PHEX: variants seen among roughly 807,000 people sequenced by gnomAD.
PHEX encodes phosphate regulating endopeptidase X-linked.
In PHEX, 16 loss-of-function variants were observed where a neutral mutation model predicts 68.0. That is an observed-to-expected ratio of 0.24 (90% CI 0.16 to 0.36). The LOEUF (loss-of-function observed/expected upper bound fraction) is 0.36. Among genes scored for constraint, PHEX ranks in the 10% least tolerant of loss-of-function variants. The pLI, the probability that PHEX is intolerant of heterozygous loss-of-function variation, is 1.00. For synonymous variants in PHEX, 208 were observed against 205.1 expected, an observed-to-expected ratio of 1.01 and a Z score of -0.12; for missense variants, 480 against 575.5, an observed-to-expected ratio of 0.83 and a Z score of 1.70.
intron 9 of PHEX, among the ~76,000 whole-genome samples, chrX:22,105,054 T>C (rs1481023384): frequency 8.9e-6 from 1 of 112,232 alleles, no homozygotes; most frequent in Admixed American, 9.5e-5. Flanking sequence ...TGTGCTGTTA[T>C]GTGGACCTCT....
chrX:22,175,962 C>G (rs1418401819), intron 13 of PHEX, among the ~76,000 whole-genome samples: 1 of 111,428 alleles, frequency 9.0e-6, no homozygotes, highest in Non-Finnish European at 1.9e-5. Flanking sequence ...AAGGGTTGAA[C>G]AGTGGACACA....
At chrX:22,043,275 A>G in intron 2 of PHEX, among the ~76,000 whole-genome samples, 1 of 112,289 alleles carries the variant, frequency 8.9e-6, no homozygotes, top group Non-Finnish European at 1.9e-5. Context: ...CAGATACACA[A>G]TGACTACTTT....
intron 15 of PHEX, among the ~76,000 whole-genome samples, chrX:22,209,657 G>A (rs748166836): frequency 6.3e-4 from 65 of 103,102 alleles, no homozygotes; most frequent in African/African-American, 1.6e-3. Context: ...CTAGTTAAAC[G>A]TCTCTCTCCT....
At chrX:22,119,109 T>G (rs1312559800) in intron 11 of PHEX, among the ~76,000 whole-genome samples, 1 of 111,324 alleles carries the variant, frequency 9.0e-6, no homozygotes, top group African/African-American at 3.3e-5. Flanking sequence ...CAGGCTGGAG[T>G]GCAGTGGCGT....
At chrX:22,234,620 C>T (rs187899670) in intron 20 of PHEX, among the ~76,000 whole-genome samples, 1 of 109,806 alleles carries the variant, frequency 9.1e-6, no homozygotes, top group African/African-American at 3.3e-5. Context: ...CTTCCCCCCC[C>T]AAGCTCAAGT....
intron 3 of PHEX, among the ~76,000 whole-genome samples, chrX:22,063,885 T>C (rs959478521): frequency 2.7e-5 from 3 of 112,873 alleles, no homozygotes; most frequent in African/African-American, 9.7e-5. Flanking sequence ...TATTTAGTTA[T>C]AGTCAATTTT....
At chrX:22,138,772 C>G (rs948605598) in intron 12 of PHEX, among the ~76,000 whole-genome samples, 2 of 112,323 alleles carry the variant, frequency 1.8e-5, no homozygotes, top group Non-Finnish European at 3.8e-5. Flanking sequence ...AGCACATTTG[C>G]ATAACCGCTC....
At chrX:22,179,759 T>C (rs907381804) in intron 14 of PHEX, among the ~76,000 whole-genome samples, 1 of 112,078 alleles carries the variant, frequency 8.9e-6, no homozygotes, top group Non-Finnish European at 1.9e-5. Context: ...TATTTTCTAT[T>C]AATTCTTCAA....
chrX:22,038,912 T>A (rs1341798798), intron 2 of PHEX, among the ~76,000 whole-genome samples: 1 of 111,885 alleles, frequency 8.9e-6, no homozygotes, highest in African/African-American at 3.2e-5. Context: ...TGGGTCTGAC[T>A]TGCCTGCCTC....
chrX:22,044,305 TG>T (rs1342213765), intron 2 of PHEX, among the ~76,000 whole-genome samples: 1 of 111,422 alleles, frequency 9.0e-6, no homozygotes, highest in Non-Finnish European at 1.9e-5. Flanking sequence ...GTCTCTGAGG[TG>T]TCACATAGCA....
At chrX:22,102,575 T>G (rs969743759) in intron 9 of PHEX, among the ~76,000 whole-genome samples, 8 of 112,509 alleles carry the variant, frequency 7.1e-5, no homozygotes, top group African/African-American at 2.6e-4. Context: ...ACTTTAAAAA[T>G]TCTAGAAGTT....
intron 20 of PHEX, among the ~76,000 whole-genome samples, chrX:22,240,341 A>G (rs1185582714): frequency 1.8e-5 from 2 of 112,251 alleles, no homozygotes; most frequent in African/African-American, 6.5e-5. Flanking sequence ...AATGGGCAAA[A>G]TATCCAGGTA....
chrX:22,171,763 G>A (rs1241229224), intron 13 of PHEX: 1 of 112,066 alleles, frequency 8.9e-6, no homozygotes, highest in Non-Finnish European at 1.9e-5. Context: ...TACACAATGA[G>A]ACTGTTTTCA....
rs185368213 is a variant in PHEX, at chrX:22,213,008, G to A, written c.1700+50G>A. On this transcript the variant is annotated intron_variant, in intron 16 of 21. Coordinates refer to ENST00000379374, the MANE Select transcript of PHEX (RefSeq NM_000444.6). ...GTTACTGACCAATTAGGAAGAACAT[G>A]TTGCTTTGGTAGAGGACAGAAGAAA... 3.7e-4 allele frequency: 353 copies of A among 943,703 alleles called. No individual in the cohort carries two copies. The African/African-American group carries it at 5.6e-3, about 15-fold the overall frequency. The allele number at this position is 943,703 out of a possible 1,213,427, so 77.8% of individuals were successfully genotyped here. A position where few individuals can be genotyped will look rare whatever the true frequency, so the allele number is the denominator to read the frequency against.
At chrX:22,169,572 C>G (rs1337193365) in intron 13 of PHEX, among the ~76,000 whole-genome samples, 1 of 112,152 alleles carries the variant, frequency 8.9e-6, no homozygotes, top group African/African-American at 3.2e-5. Flanking sequence ...GGACTGATAT[C>G]TGGGCTCAGG....
chrX:22,081,381 T>G, intron 5 of PHEX, among the ~76,000 whole-genome samples: 1 of 112,035 alleles, frequency 8.9e-6, no homozygotes, highest in Non-Finnish European at 1.9e-5. Flanking sequence ...TGAGAATTCT[T>G]GACTTCTTTT....
intron 15 of PHEX, among the ~76,000 whole-genome samples, chrX:22,195,026 A>G (rs919555445): frequency 7.1e-5 from 8 of 112,267 alleles, no homozygotes; most frequent in African/African-American, 2.6e-4. Context: ...AGGTGAGAAC[A>G]TGAATCAGAG....
At chrX:22,066,864 C>T (rs1928628337) in intron 3 of PHEX, among the ~76,000 whole-genome samples, 1 of 111,478 alleles carries the variant, frequency 9.0e-6, no homozygotes, top group Non-Finnish European at 1.9e-5. Context: ...GAGGAATTGT[C>T]TGAAGCTCAG....
At chrX:22,192,591 GT>G (rs1934234998) in intron 15 of PHEX, among the ~76,000 whole-genome samples, 1 of 111,790 alleles carries the variant, frequency 8.9e-6, no homozygotes, top group Admixed American at 9.5e-5. Context: ...CCTCCTTCGT[GT>G]TTATAGAGCA....
Sources: allele counts gnomAD v4.1 joint callset (sites outside exome capture counted in the v4.1 genomes callset), GRCh38; gene constraint gnomAD v4.1.1; transcripts MANE v1.5; gene names NCBI Gene and HGNC (gene_info 2026-07-23, HGNC 2026-07-21).